The following KCNIP4 variants were observed in gnomAD, a reference collection of about 807,000 sequenced individuals.
KCNIP4 encodes potassium voltage-gated channel interacting protein 4.
A neutral mutation model predicts 34.0 loss-of-function variants in KCNIP4; 12 were observed. The ratio of observed to expected loss-of-function variants is 0.35; its 90% CI spans 0.23 to 0.57. KCNIP4 has a LOEUF of 0.57. Among genes scored for constraint, KCNIP4 ranks in the 20% least tolerant of loss-of-function variants. The pLI is 0.83. For synonymous variants in KCNIP4, 124 were observed against 102.2 expected (o/e 1.21, Z -1.29); for missense variants, 238 against 311.7 (o/e 0.76, Z 1.78).
intron 1 of KCNIP4, among the ~76,000 whole-genome samples, chr4:20,950,068 T>G (rs776620986): frequency 6.7e-6 from 1 of 148,244 alleles, no homozygotes; most frequent in South Asian, 2.1e-4. Context: ...TGAAAAACTA[T>G]ACAATTTTAC....
chr4:20,776,756 A>C (rs1357196984), intron 3 of KCNIP4, among the ~76,000 whole-genome samples: 1 of 152,166 alleles, frequency 6.6e-6, no homozygotes, highest in African/African-American at 2.4e-5. Flanking sequence ...GTGTCAGCTT[A>C]ACAAATCTAG....
At chr4:21,690,039 A>G (rs1751142697) in intron 1 of KCNIP4, among the ~76,000 whole-genome samples, 1 of 150,938 alleles carries the variant, frequency 6.6e-6, no homozygotes, top group South Asian at 2.1e-4. Context: ...TTTTGTAGGG[A>G]CTTGCTAAAA....
At chr4:20,894,440 G>C (rs1726283015) in intron 1 of KCNIP4, among the ~76,000 whole-genome samples, 1 of 152,154 alleles carries the variant, frequency 6.6e-6, no homozygotes, top group African/African-American at 2.4e-5. Flanking sequence ...AGGCTACTCT[G>C]TTCATTTTAT....
chr4:21,639,190 T>C (rs939782046), intron 1 of KCNIP4, among the ~76,000 whole-genome samples: 1 of 152,216 alleles, frequency 6.6e-6, no homozygotes, highest in African/African-American at 2.4e-5. Context: ...TCAACTGTAT[T>C]TGCTTCTATT....
At chr4:21,732,811 A>T (rs1323755859) in intron 1 of KCNIP4, among the ~76,000 whole-genome samples, 2 of 152,234 alleles carry the variant, frequency 1.3e-5, no homozygotes, top group African/African-American at 4.8e-5. Context: ...AGGAGTAATC[A>T]GGGTCCAAAT....
intron 1 of KCNIP4, among the ~76,000 whole-genome samples, chr4:21,218,303 C>G (rs980289200): frequency 1.9e-4 from 29 of 152,156 alleles, no homozygotes; most frequent in Non-Finnish European, 1.0e-4. Context: ...ACATGAGCCA[C>G]TGCACCCAGC....
chr4:21,702,006 C>T (rs887143434), intron 1 of KCNIP4, among the ~76,000 whole-genome samples: 3 of 151,750 alleles, frequency 2.0e-5, no homozygotes, highest in African/African-American at 7.3e-5. Context: ...GCCCGGCCTA[C>T]TAAAAATACT....
chr4:20,809,368 G>A (rs1265647775), intron 3 of KCNIP4, among the ~76,000 whole-genome samples: 5 of 152,150 alleles, frequency 3.3e-5, no homozygotes, highest in African/African-American at 7.2e-5. Flanking sequence ...AGAGCTTTTG[G>A]AGAATGTTTT....
chr4:21,827,221 C>A (rs1002711022), intron 1 of KCNIP4, among the ~76,000 whole-genome samples: 3 of 151,908 alleles, frequency 2.0e-5, no homozygotes, highest in African/African-American at 7.2e-5. Flanking sequence ...CTATAAAAAT[C>A]CAGTGTATGG....
chr4:21,309,150 G>A (rs1712835301), intron 1 of KCNIP4, among the ~76,000 whole-genome samples: 1 of 152,112 alleles, frequency 6.6e-6, no homozygotes, highest in Admixed American at 6.5e-5. Flanking sequence ...AACTGAGGCA[G>A]GGAACAAAGG....
At chr4:21,417,305 G>C (rs1560384847) in intron 1 of KCNIP4, among the ~76,000 whole-genome samples, 1 of 151,982 alleles carries the variant, frequency 6.6e-6, no homozygotes, top group Non-Finnish European at 1.5e-5. Flanking sequence ...CTGTTTGTCT[G>C]TGAGTTAGTG....
At chr4:20,994,785 C>G (rs748419969) in intron 1 of KCNIP4, among the ~76,000 whole-genome samples, 7 of 152,116 alleles carry the variant, frequency 4.6e-5, no homozygotes, top group Non-Finnish European at 4.4e-5. Context: ...TGGATAAAAC[C>G]AAAAATGAAC....
intron 1 of KCNIP4, among the ~76,000 whole-genome samples, chr4:21,714,874 AT>A (rs1211392655): frequency 0.013 from 6 of 468 alleles, no homozygotes; most frequent in South Asian, 0.083. Context: ...ATTTTATTTT[AT>A]TTTATTTTAT....
At chr4:21,661,264 TTG>T (rs993762207) in intron 1 of KCNIP4, among the ~76,000 whole-genome samples, 5 of 152,136 alleles carry the variant, frequency 3.3e-5, no homozygotes, top group African/African-American at 7.2e-5. Context: ...TTCTTCAAGT[TTG>T]TGTGACCTGA....
At chr4:20,756,173 A>G (rs1030429033) in intron 4 of KCNIP4, among the ~76,000 whole-genome samples, 8 of 104,684 alleles carry the variant, frequency 7.6e-5, no homozygotes, top group African/African-American at 2.9e-4. Flanking sequence ...GGAAAGTAGT[A>G]AAAAAAAAAA....
At chr4:21,289,568 TC>T (rs1390110983) in intron 1 of KCNIP4, among the ~76,000 whole-genome samples, 1 of 152,134 alleles carries the variant, frequency 6.6e-6, no homozygotes, top group Non-Finnish European at 1.5e-5. Context: ...ATATGGATCA[TC>T]CCTAAGGACA....
intron 1 of KCNIP4, among the ~76,000 whole-genome samples, chr4:21,225,216 T>TA (rs2109008624): frequency 6.6e-6 from 1 of 152,322 alleles, no homozygotes; most frequent in African/African-American, 2.4e-5. Context: ...CCTGATCCTT[T>TA]ATCCACCTCA....
chr4:21,628,693 T>C (rs190901457), intron 1 of KCNIP4, among the ~76,000 whole-genome samples: 13 of 152,310 alleles, frequency 8.5e-5, no homozygotes, highest in Admixed American at 8.5e-4. Flanking sequence ...TCCTATGTTG[T>C]CTGTACTTTT....
chr4:20,944,715 A>G (rs1732015537), intron 1 of KCNIP4, among the ~76,000 whole-genome samples: 1 of 152,126 alleles, frequency 6.6e-6, no homozygotes, highest in South Asian at 2.1e-4. Context: ...CAGGCTATCC[A>G]TCTGCTGCCA....
Sources: allele counts gnomAD v4.1 joint callset (sites outside exome capture counted in the v4.1 genomes callset), GRCh38; gene constraint gnomAD v4.1.1; transcripts MANE v1.5; gene names NCBI Gene and HGNC (gene_info 2026-07-23, HGNC 2026-07-21).